The following CDH23 variants were observed in gnomAD, a reference collection of about 807,000 sequenced individuals.
CDH23 encodes cadherin related 23.
CDH23 carries 189 observed loss-of-function variants against 317.1 expected under a neutral mutation model. The ratio of observed to expected loss-of-function variants is 0.60; its 90% CI spans 0.53 to 0.67. The LOEUF (loss-of-function observed/expected upper bound fraction) is 0.67. Ranked by LOEUF, CDH23 falls within the 30% of genes least tolerant of loss-of-function variation. The pLI is 0.00. For synonymous variants in CDH23, 1,839 were observed against 1,876.8 expected (o/e 0.98, Z 0.52); for missense variants, 4,401 against 4,592.4 (o/e 0.96, Z 1.20).
chr10:71,607,219 G>A (rs1303026518), intron 9 of CDH23, among the ~76,000 whole-genome samples: 2 of 152,246 alleles, frequency 1.3e-5, no homozygotes, highest in South Asian at 2.1e-4. Flanking sequence ...CCCCAGGGGC[G>A]GGGGCTTAGG....
chr10:71,789,749 G>C (rs557342286), intron 45 of CDH23, among the ~76,000 whole-genome samples: 1 of 152,198 alleles, frequency 6.6e-6, no homozygotes, highest in Admixed American at 6.5e-5. Flanking sequence ...CCACTGATGC[G>C]CTCGTGTGCA....
At chr10:71,483,874 CAT>C (rs1179983878) in intron 3 of CDH23, among the ~76,000 whole-genome samples, 3 of 152,152 alleles carry the variant, frequency 2.0e-5, no homozygotes, top group Non-Finnish European at 4.4e-5. Context: ...CCCCCACACA[CAT>C]GTTCACTCTC....
At chr10:71,520,071 G>T (rs1355615949) in intron 6 of CDH23, among the ~76,000 whole-genome samples, 2 of 152,218 alleles carry the variant, frequency 1.3e-5, no homozygotes, top group African/African-American at 2.4e-5. Flanking sequence ...GCTTCCTAAA[G>T]TGCTGGGATC....
At position 71,517,935 on chromosome 10, in the gene CDH23, G is replaced by T. The variant is rs369469048; in HGVS notation, c.429+6723G>T. On this transcript the variant is annotated intron_variant, in intron 6 of 69. Coordinates refer to ENST00000224721, the MANE Select transcript of CDH23 (RefSeq NM_022124.6). The stretch of plus-strand genomic sequence containing the variant: ...CACAGTGACACATGCCTGGAGCCCT[G>T]CTCTCTTGCGGCAGGCAGATGCCAT... Among the ~76,000 whole-genome samples the T allele has an allele frequency of 7.2e-3, 1,089 of 152,302 alleles. 20 individuals carry two copies. Among genetic ancestry groups the T allele is most frequent in the Middle Eastern group, 0.031 (9 of 294 alleles).
At chr10:71,646,810 A>G (rs202166847) in intron 14 of CDH23, 193 bp downstream of exon 14, 1 of 1,519,616 alleles carries the variant, frequency 6.6e-7, no homozygotes, top group African/African-American at 1.4e-5. Flanking sequence ...CCTAGGTTGC[A>G]ATATGGAAAA....
At chr10:71,675,903 CTTTTTT>C (rs66656163) in intron 15 of CDH23, among the ~76,000 whole-genome samples, 3 of 120,878 alleles carry the variant, frequency 2.5e-5, no homozygotes, top group Non-Finnish European at 5.0e-5. Flanking sequence ...AGCCCTCTAA[CTTTTTT>C]TTTTTTTTTT....
chr10:71,704,181 A>G (rs1477709526), intron 24 of CDH23, among the ~76,000 whole-genome samples: 1 of 152,240 alleles, frequency 6.6e-6, no homozygotes, highest in Non-Finnish European at 1.5e-5. Context: ...CGACCTTGAT[A>G]TTGTCTCCCA....
At chr10:71,541,040 G>T (rs1855960182) in intron 6 of CDH23, among the ~76,000 whole-genome samples, 1 of 152,080 alleles carries the variant, frequency 6.6e-6, no homozygotes, top group Non-Finnish European at 1.5e-5. Context: ...TCTCCTGCAA[G>T]CCCAGCGTCC....
At position 71,811,379 on chromosome 10, in the gene CDH23, C is replaced by T; in HGVS notation, c.9142C>T (p.Leu3048=). Residue 3048 remains leucine (L), a synonymous_variant, in exon 63 of 70, where the codon CTG becomes TTG. Coordinates refer to ENST00000224721, the MANE Select transcript of CDH23 (RefSeq NM_022124.6). The part of the protein sequence containing the change: ...LRNLFRNYNV[L]DVQPAISVRL... ...GAATCTTTTCCGGAACTACAACGTC[C>T]TGGACGTGCAGCCTGCCATCTCTGT... is the stretch of plus-strand genomic sequence containing the variant. The T allele has an allele frequency of 6.2e-7, 1 of 1,613,980 alleles. No individual in the cohort carries two copies. The highest frequency in any genetic ancestry group is 8.5e-7 in the Non-Finnish European group (1 of 1,179,882).
intron 11 of CDH23, 56 bp downstream of exon 11, chr10:71,617,449 C>G (rs772268120): frequency 6.3e-7 from 1 of 1,582,520 alleles, no homozygotes; most frequent in East Asian, 2.3e-5. Context: ...GACCCACCAC[C>G]CTGCCTGGGC....
chr10:71,812,075 G>T, intron 66 of CDH23, 60 bp downstream of exon 66: 2 of 1,613,282 alleles, frequency 1.2e-6, no homozygotes, highest in South Asian at 2.2e-5. Flanking sequence ...GACCCAGCTG[G>T]GGAGAGCTGC....
intron 14 of CDH23, among the ~76,000 whole-genome samples, chr10:71,659,327 G>T (rs1335961824): frequency 6.6e-6 from 1 of 152,196 alleles, no homozygotes; most frequent in Non-Finnish European, 1.5e-5. Context: ...GGGGAGAGAG[G>T]GGAGAGAGTG....
intron 1 of CDH23, among the ~76,000 whole-genome samples, chr10:71,430,589 A>T (rs1472163848): frequency 6.6e-6 from 1 of 152,160 alleles, no homozygotes; most frequent in African/African-American, 2.4e-5. Flanking sequence ...TGGGCGGATC[A>T]TTTGAGGTTA....
rs1840262532 is a variant in CDH23 at position 71,759,854 on chromosome 10, C to CACACACACACATATATAT, written c.4846-17814_4846-17797dup. 7.3e-5 allele frequency among the ~76,000 whole-genome samples: 8 copies of CACACACACACATATATAT among 109,308 alleles called. 1 individual carries two copies. The highest frequency in any genetic ancestry group is 1.0e-4 in the Non-Finnish European group (5 of 48,380). The allele number at this position is 109,308 out of a possible 152,430, so 71.7% of individuals were successfully genotyped here. A position where few individuals can be genotyped will look rare whatever the true frequency, so the allele number is the denominator to read the frequency against. ...ACACACACACACACACACATATACA[C>CACACACACACATATATAT]ACACACACACATATATATACACACA... On this transcript the variant is annotated intron_variant, in intron 38 of 69. Coordinates refer to ENST00000224721, the MANE Select transcript of CDH23 (RefSeq NM_022124.6).
intron 6 of CDH23, among the ~76,000 whole-genome samples, chr10:71,520,453 G>A (rs1042615120): frequency 3.3e-5 from 5 of 152,228 alleles, no homozygotes; most frequent in African/African-American, 1.2e-4. Flanking sequence ...TCAAGGATCT[G>A]CCCAGGGTCA....
intron 1 of CDH23, among the ~76,000 whole-genome samples, chr10:71,423,802 C>T (rs1193189413): frequency 6.6e-6 from 1 of 152,164 alleles, no homozygotes. Context: ...GGCCAAGTGA[C>T]CTGAGAGGCT....
intron 9 of CDH23, among the ~76,000 whole-genome samples, chr10:71,591,473 G>A (rs1426198202): frequency 3.9e-5 from 6 of 152,142 alleles, no homozygotes. Context: ...CAGAGGCCAA[G>A]CTGATGCAGC....
At chr10:71,784,050 G>T (rs1841029350) in intron 41 of CDH23, among the ~76,000 whole-genome samples, 1 of 152,182 alleles carries the variant, frequency 6.6e-6, no homozygotes, top group African/African-American at 2.4e-5. Flanking sequence ...GCACATGAGG[G>T]CATGAGTGGC....
At chr10:71,531,642 AG>A (rs1462388929) in intron 6 of CDH23, among the ~76,000 whole-genome samples, 2 of 151,722 alleles carry the variant, frequency 1.3e-5, no homozygotes, top group East Asian at 3.9e-4. Flanking sequence ...CTGGGTAGGG[AG>A]GGGGAGCTGA....
Sources: gnomAD v4.1 joint callset for allele counts (sites outside exome capture counted in the v4.1 genomes callset) on GRCh38, gnomAD v4.1.1 for gene constraint, MANE v1.5 for transcripts, NCBI Gene and HGNC (gene_info 2026-07-23, HGNC 2026-07-21) for gene names.